The following KAT6B variants were observed in gnomAD, a reference collection of about 807,000 sequenced individuals.
The protein encoded by KAT6B is histone acetyltransferase KAT6B.
Under a neutral mutation model 187.5 loss-of-function variants are expected in KAT6B, and 10 were observed. The observed-to-expected ratio is 0.05, with a 90% CI of 0.03 to 0.09. The LOEUF (loss-of-function observed/expected upper bound fraction) is 0.09. Ranked by LOEUF, KAT6B falls within the 10% of genes least tolerant of loss-of-function variation. The probability of loss-of-function intolerance (pLI) is 1.00; values close to 1 mark genes in which losing one functional copy is unlikely to be tolerated. For missense variants in KAT6B, 1,952 were observed against 2,558.9 expected, an observed-to-expected ratio of 0.76 and a Z score of 5.12; for synonymous variants, 861 against 926.8, an observed-to-expected ratio of 0.93 and a Z score of 1.29.
At chr10:75,002,834 T>G (rs2133983002) in intron 13 of KAT6B, among the ~76,000 whole-genome samples, 1 of 152,350 alleles carries the variant, frequency 6.6e-6, no homozygotes. Context: ...GCCCATGTCT[T>G]TCACCAAAAG....
At chr10:74,906,194 G>A (rs1846747937) in intron 3 of KAT6B, among the ~76,000 whole-genome samples, 1 of 152,174 alleles carries the variant, frequency 6.6e-6, no homozygotes, top group African/African-American at 2.4e-5. Flanking sequence ...GAGGTCAGGA[G>A]TTCGAGACCA....
rs183547378 is a variant in KAT6B, at chr10:74,832,659, G to A, written c.-329+5874G>A. 3.5e-3 allele frequency among the ~76,000 whole-genome samples: 527 copies of A among 151,768 alleles called. 1 individual carries two copies. Among genetic ancestry groups the A allele is most frequent in the African/African-American group, 0.012 (492 of 41,460 alleles). On this transcript the variant is annotated intron_variant, in intron 1 of 17. Coordinates refer to ENST00000287239, the MANE Select transcript of KAT6B (RefSeq NM_012330.4). ...TGGGATTACAGGCATGCGCCACCACGCCTGCTAATTTTTTGTATTTAGTAG... is the reference window on the plus strand; with the variant it reads ...TGGGATTACAGGCATGCGCCACCACACCTGCTAATTTTTTGTATTTAGTAG...
chr10:75,009,342 A>G (rs1844434633), intron 13 of KAT6B, among the ~76,000 whole-genome samples: 1 of 152,164 alleles, frequency 6.6e-6, no homozygotes, highest in Admixed American at 6.5e-5. Flanking sequence ...TATACAACCT[A>G]AATAGAAAAG....
chr10:74,864,783 G>A (rs1027631235), intron 3 of KAT6B, among the ~76,000 whole-genome samples: 4 of 152,190 alleles, frequency 2.6e-5, no homozygotes, highest in African/African-American at 9.7e-5. Flanking sequence ...AAAGTAAAGA[G>A]TAAAAGTTTT....
intron 3 of KAT6B, among the ~76,000 whole-genome samples, chr10:74,939,893 A>G (rs1441279234): frequency 1.3e-5 from 2 of 152,238 alleles, no homozygotes; most frequent in African/African-American, 2.4e-5. Flanking sequence ...GTATTTGCAC[A>G]TGGAAGTGTA....
intron 3 of KAT6B, among the ~76,000 whole-genome samples, chr10:74,888,610 C>T (rs1042298628): frequency 1.3e-5 from 2 of 152,086 alleles, no homozygotes; most frequent in African/African-American, 4.8e-5. Flanking sequence ...AATGGGTGTA[C>T]TTTCATATTC....
At chr10:74,828,574 T>TC (rs1257542024) in intron 1 of KAT6B, among the ~76,000 whole-genome samples, 1 of 143,954 alleles carries the variant, frequency 6.9e-6, no homozygotes, top group Non-Finnish European at 1.5e-5. Flanking sequence ...TTTTTTTTTT[T>TC]TTTTTTTTTT....
chr10:74,850,015 T>C (rs938651534), intron 3 of KAT6B, among the ~76,000 whole-genome samples: 1 of 151,548 alleles, frequency 6.6e-6, no homozygotes, highest in Non-Finnish European at 1.5e-5. Flanking sequence ...CTCGCCTCAC[T>C]GCAAGCTCCG....
chr10:74,994,523 C>G (rs1843299003), intron 13 of KAT6B, among the ~76,000 whole-genome samples: 1 of 152,080 alleles, frequency 6.6e-6, no homozygotes, highest in African/African-American at 2.4e-5. Flanking sequence ...TGGCTCATGC[C>G]TGTAATCCCA....
intron 12 of KAT6B, among the ~76,000 whole-genome samples, chr10:74,988,057 T>C (rs1842926679): frequency 6.6e-6 from 1 of 152,214 alleles, no homozygotes; most frequent in African/African-American, 2.4e-5. Flanking sequence ...TTCTGCCCTG[T>C]AGGGTTTTTT....
In KAT6B at chr10:75,029,889, A is replaced by G; in HGVS notation, c.5065A>G (p.Thr1689Ala). The change falls in exon 18 of 18, where the codon ACT (threonine) becomes GCT (alanine). Residue 1689 changes from threonine to alanine, a missense_variant. Thr to Ala is a moderately conservative substitution (Grantham distance 58). Coordinates refer to ENST00000287239, the MANE Select transcript of KAT6B (RefSeq NM_012330.4). This position sits in a 1 kb window ranked among gnomAD's most constrained non-coding sequence, Gnocchi z 6.2. ...CGAAAACCCAAGCAGCTACGATTCT[A>G]CTATGGGAGGCAGCATCTGTGGAAA... Reference protein sequence around the residue: ...NYENPSSYDSTMGGSICGNGS... With the variant: ...NYENPSSYDSAMGGSICGNGS... The G allele has an allele frequency of 3.1e-6, 5 of 1,614,212 alleles. No homozygotes were observed. Among genetic ancestry groups the G allele is most frequent in the Non-Finnish European group, 4.2e-6 (5 of 1,180,040 alleles).
In KAT6B at chr10:74,924,814, C is replaced by G. The variant is rs183966416; in HGVS notation, c.622-35156C>G. ...TTCTAGCCAAGAGAACCACACACCT[C>G]TCTCTCTGTAGACCAGCTAAATGCT... is the stretch of plus-strand genomic sequence containing the variant. On this transcript the variant is annotated intron_variant, in intron 3 of 17. Transcript: ENST00000287239. Among the ~76,000 whole-genome samples the G allele has an allele frequency of 1.4e-4, 21 of 152,212 alleles. 1 individual carries two copies. The highest frequency in any genetic ancestry group is 1.6e-4 in the Non-Finnish European group (11 of 68,002).
At chr10:74,983,323 T>C (rs1842630376) in intron 11 of KAT6B, 1 of 152,590 alleles carries the variant, frequency 6.6e-6, no homozygotes, top group Non-Finnish European at 1.5e-5. Context: ...TCTCCAGACG[T>C]AGCCAAACAT....
chr10:74,996,409 T>C (rs1235297976), intron 13 of KAT6B, among the ~76,000 whole-genome samples: 1 of 152,200 alleles, frequency 6.6e-6, no homozygotes, highest in Non-Finnish European at 1.5e-5. Flanking sequence ...CCTGGGTAAC[T>C]ACAGCAGAAA....
At chr10:74,875,065 CCT>C (rs1844313456) in intron 3 of KAT6B, among the ~76,000 whole-genome samples, 1 of 152,070 alleles carries the variant, frequency 6.6e-6, no homozygotes, top group Admixed American at 6.6e-5. Context: ...AGGGTTTACT[CCT>C]GGTGTTGTAT....
At chr10:74,972,103 G>C (rs937909832) in intron 6 of KAT6B, among the ~76,000 whole-genome samples, 1 of 151,624 alleles carries the variant, frequency 6.6e-6, no homozygotes, top group South Asian at 2.1e-4. Context: ...TTTAGTGTTG[G>C]AACTTTCCAG....
rs572457548 is a variant in KAT6B at position 74,892,804 on chromosome 10, C to T, written c.621+49326C>T. On this transcript the variant is annotated intron_variant, in intron 3 of 17. Coordinates refer to ENST00000287239, the MANE Select transcript of KAT6B (RefSeq NM_012330.4). ...GGATTAGAATGGACTCCTGAGAAAG[C>T]GTTCTTGAGTGAGTGTGGTGTGGCT... 3.3e-5 allele frequency among the ~76,000 whole-genome samples: 5 copies of T among 152,218 alleles called. No homozygotes were observed. The South Asian group carries it at 6.2e-4, about 19-fold the overall frequency.
At chr10:75,000,054 C>T (rs1843718927) in intron 13 of KAT6B, among the ~76,000 whole-genome samples, 1 of 151,728 alleles carries the variant, frequency 6.6e-6, no homozygotes, top group Non-Finnish European at 1.5e-5. Flanking sequence ...TGCCTGTAGT[C>T]CCAGCTACTC....
intron 3 of KAT6B, among the ~76,000 whole-genome samples, chr10:74,951,521 T>G (rs1159308195): frequency 6.6e-6 from 1 of 151,868 alleles, no homozygotes; most frequent in African/African-American, 2.4e-5. Context: ...CCACCACAAC[T>G]AGGTGCTGGC....
Sources: allele counts gnomAD v4.1 joint callset (sites outside exome capture counted in the v4.1 genomes callset), GRCh38; gene constraint gnomAD v4.1.1; non-coding constraint Gnocchi (gnomAD v3.1); transcripts MANE v1.5; gene names NCBI Gene and HGNC (gene_info 2026-07-23, HGNC 2026-07-21).